TET2: variants seen among roughly 807,000 people sequenced by gnomAD.
TET2 encodes the protein methylcytosine dioxygenase TET2.
TET2 carries 299 observed loss-of-function variants against 142.9 expected under a neutral mutation model. That is an observed-to-expected ratio of 2.09 (90% confidence interval 1.90 to 2.30). The LOEUF is 2.30. Among genes scored for constraint, TET2 ranks in the 30% most tolerant of loss-of-function variants. The pLI is 0.00. For synonymous variants in TET2, 819 were observed against 849.0 expected (o/e 0.96, Z 0.61); for missense variants, 2,418 against 2,378.0 (o/e 1.02, Z -0.35).
At chr4:105,242,623 A>C (rs1397548011) in intron 4 of TET2, 1 of 1,297,154 alleles carries the variant, frequency 7.7e-7, no homozygotes, top group Non-Finnish European at 9.8e-7. Flanking sequence ...GTTCATTACA[A>C]TTATCTGTAC....
intron 6 of TET2, among the ~76,000 whole-genome samples, chr4:105,255,857 T>A (rs1472776628): frequency 1.3e-5 from 2 of 152,030 alleles, no homozygotes; most frequent in African/African-American, 4.8e-5. Context: ...CTTGTCTTTT[T>A]TTGTGTTCAA....
chr4:105,198,088 G>T (rs1313357206), intron 2 of TET2, among the ~76,000 whole-genome samples: 1 of 152,176 alleles, frequency 6.6e-6, no homozygotes, highest in Non-Finnish European at 1.5e-5. Context: ...TGTAATCCCA[G>T]CAATTTGGGA....
At chr4:105,187,529 A>T (rs2110472429) in intron 1 of TET2, among the ~76,000 whole-genome samples, 1 of 152,338 alleles carries the variant, frequency 6.6e-6, no homozygotes, top group Non-Finnish European at 1.5e-5. Flanking sequence ...AGAATTTGTC[A>T]TTTCAGATTC....
chr4:105,200,080 A>C (rs1726356278), intron 2 of TET2, among the ~76,000 whole-genome samples: 2 of 152,006 alleles, frequency 1.3e-5, no homozygotes, highest in African/African-American at 4.8e-5. Flanking sequence ...TGCTGGGTTG[A>C]ATAGTATTTC....
chr4:105,148,786 A>C (rs1388949456), intron 1 of TET2, among the ~76,000 whole-genome samples: 1 of 152,224 alleles, frequency 6.6e-6, no homozygotes, highest in African/African-American at 2.4e-5. Flanking sequence ...TTGGATAATC[A>C]AACTGAAGTT....
At position 105,234,576 on chromosome 4, in the gene TET2, A is replaced by G. The variant is rs760781212; in HGVS notation, c.634A>G (p.Thr212Ala). The G allele has an allele frequency of 2.5e-6, 4 of 1,614,188 alleles. No individual in the cohort carries two copies. The highest frequency in any genetic ancestry group is 2.5e-6 in the Non-Finnish European group (3 of 1,180,022). Residue 212 changes from threonine to alanine, a missense_variant, in exon 3 of 11, where the codon ACA becomes GCA. Transcript: ENST00000380013. ...GGCAGTGCTAATGCCTAATGGTGCT[A>G]CAGTTTCTGCCTCTTCCGTGGAACA... ...NKAVLMPNGATVSASSVEHTH... is the reference protein window; with the variant it reads ...NKAVLMPNGAAVSASSVEHTH...
At chr4:105,271,067 C>T (rs536386309) in intron 9 of TET2, among the ~76,000 whole-genome samples, 1 of 152,274 alleles carries the variant, frequency 6.6e-6, no homozygotes, top group South Asian at 2.1e-4. Flanking sequence ...TTAGGGACTG[C>T]AGGCCACATA....
At chr4:105,226,692 C>A (rs1578655825) in intron 2 of TET2, among the ~76,000 whole-genome samples, 2 of 152,048 alleles carry the variant, frequency 1.3e-5, no homozygotes, top group Admixed American at 1.3e-4. Flanking sequence ...TGTTAGATGC[C>A]TGCTCCCCTT....
chr4:105,177,763 A>G (rs1263835235), intron 1 of TET2: 3 of 152,228 alleles, frequency 2.0e-5, no homozygotes, highest in Non-Finnish European at 4.4e-5. Context: ...TGATTCAGCA[A>G]TAGCGCTCCT....
chr4:105,175,255 T>C (rs1274470170), intron 1 of TET2, among the ~76,000 whole-genome samples: 1 of 152,112 alleles, frequency 6.6e-6, no homozygotes, highest in Non-Finnish European at 1.5e-5. Context: ...GAGTCAAATA[T>C]GGCAGTGACA....
rs1367059281 is a variant in TET2, at chr4:105,235,792, G to A, written c.1850G>A (p.Arg617Lys). ...GNSNMPGGLP[R>K]QAYTQKTTQL... ...TCCAACATGCCTGGGGGGCTCCCAA[G>A]GCAAGCTTACACCCAGAAAACAACA... Residue 617 changes from arginine to lysine, a missense_variant, in exon 3 of 11, where the codon AGG becomes AAG. Physicochemically the swap from Arg to Lys is conservative, Grantham distance 26 (BLOSUM62 2). Coordinates refer to ENST00000380013, the MANE Select transcript of TET2 (RefSeq NM_001127208.3). 4 of 1,614,032 alleles carry A rather than the reference G, an allele frequency of 2.5e-6. No homozygotes were observed. The highest frequency in any genetic ancestry group is 1.7e-5 in the Admixed American group (1 of 59,980).
Position 105,237,051 on chromosome 4 carries a change from G to A in TET2, c.3109G>A (p.Ala1037Thr), listed in dbSNP as rs748334095. The A allele has an allele frequency of 4.3e-6, 7 of 1,614,122 alleles. No individual in the cohort carries two copies. The highest frequency in any genetic ancestry group is 2.2e-5 in the East Asian group (1 of 44,866). The change falls in exon 3 of 11, where the codon GCC (alanine) becomes ACC (threonine). Residue 1037 changes from alanine to threonine, a missense_variant. Coordinates refer to ENST00000380013, the MANE Select transcript of TET2 (RefSeq NM_001127208.3). The stretch of plus-strand genomic sequence containing the variant: ...GGAGCAGCATCTGAAGCAGTTTCAC[G>A]CCAAGTCGTTATTTGACCATAAGGC... ...TMEQHLKQFH[A>T]KSLFDHKALT...
chr4:105,170,499 T>TA (rs1043050051), intron 1 of TET2, among the ~76,000 whole-genome samples: 2 of 152,142 alleles, frequency 1.3e-5, no homozygotes, highest in South Asian at 2.1e-4. Flanking sequence ...CCCATCTCTT[T>TA]AAAAAAATGG....
At chr4:105,215,749 C>A (rs1727453606) in intron 2 of TET2, among the ~76,000 whole-genome samples, 1 of 152,116 alleles carries the variant, frequency 6.6e-6, no homozygotes, top group South Asian at 2.1e-4. Context: ...CTTCATGCTA[C>A]ATCTTACCAC....
chr4:105,275,484 G>T lies in TET2; in HGVS notation c.4974G>T (p.Leu1658=). ...SYSPQSQPMD[L]YRYPSQDPLS... Reference sequence around the variant, plus strand: ...CTCCCCAGTCTCAGCCGATGGATCTGTATAGGTATCCAAGCCAAGACCCTC... The same window carrying T: ...CTCCCCAGTCTCAGCCGATGGATCTTTATAGGTATCCAAGCCAAGACCCTC... The change falls in exon 11 of 11, where the codon CTG becomes CTT. Residue 1658 remains leucine (L), a synonymous_variant. Transcript: ENST00000380013. The T allele has an allele frequency of 1.3e-6, 2 of 1,551,648 alleles. No individual in the cohort carries two copies. The highest frequency in any genetic ancestry group is 8.7e-7 in the Non-Finnish European group (1 of 1,146,968).
chr4:105,165,370 C>T (rs543808693), intron 1 of TET2, among the ~76,000 whole-genome samples: 19 of 151,960 alleles, frequency 1.3e-4, no homozygotes, highest in African/African-American at 3.6e-4. Flanking sequence ...AGGGAGACTT[C>T]GTCTCCCAAA....
intron 1 of TET2, among the ~76,000 whole-genome samples, chr4:105,148,960 AC>A (rs1723169724): frequency 6.6e-6 from 1 of 152,312 alleles, no homozygotes; most frequent in Admixed American, 6.5e-5. Flanking sequence ...AATCATTGAT[AC>A]GTGGGGTTCT....
chr4:105,203,592 GGCTTTGTATACAATACATTAC>G (rs1726606797), intron 2 of TET2, among the ~76,000 whole-genome samples: 1 of 151,120 alleles, frequency 6.6e-6, no homozygotes, highest in Non-Finnish European at 1.5e-5. Context: ...GGGAGTGCCT[GGCTTTGTATACAATACATTAC>G]GTTTTGTATA....
rs2110284496 is a variant in TET2, at chr4:105,259,624, C to T, written c.3809C>T (p.Thr1270Ile). The T allele has an allele frequency of 6.4e-7, 1 of 1,550,688 alleles. No homozygotes were observed. The highest frequency in any genetic ancestry group is 8.7e-7 in the Non-Finnish European group (1 of 1,146,308). ...NRRCALNEER[T>I]CACQGLDPET... ...TTGGTCTTTTGATTTTTCAGGAGAACTTGCGCCTGTCAGGGGCTGGATCCA... is the reference window on the plus strand; with the variant it reads ...TTGGTCTTTTGATTTTTCAGGAGAATTTGCGCCTGTCAGGGGCTGGATCCA... The change falls in exon 7 of 11, where the codon ACT becomes ATT. Residue 1270 changes from threonine (T) to isoleucine (I), a missense_variant. Physicochemically the swap from Thr to Ile is moderately conservative, Grantham distance 89 (BLOSUM62 -1). Coordinates refer to ENST00000380013, the MANE Select transcript of TET2 (RefSeq NM_001127208.3).
Sources: gnomAD v4.1 joint callset for allele counts (sites outside exome capture counted in the v4.1 genomes callset) on GRCh38, gnomAD v4.1.1 for gene constraint, MANE v1.5 for transcripts, NCBI Gene and HGNC (gene_info 2026-07-23, HGNC 2026-07-21) for gene names.